CCDC9B: variants seen among roughly 807,000 people sequenced by gnomAD.
CCDC9B encodes the protein coiled-coil domain containing 9B, also known as coiled-coil domain-containing protein 9B.
Under a neutral mutation model 47.2 loss-of-function variants are expected in CCDC9B, and 40 were observed. The ratio of observed to expected loss-of-function variants is 0.85; its 90% CI spans 0.66 to 1.10. CCDC9B has a LOEUF of 1.10. Ranked by LOEUF, CCDC9B falls within the 50% of genes least tolerant of loss-of-function variation. The pLI is 0.00. For synonymous variants in CCDC9B, 238 were observed against 250.7 expected (o/e 0.95, Z 0.48); for missense variants, 662 against 651.0 (o/e 1.02, Z -0.18).
At chr15:40,337,597 C>A in intron 6 of CCDC9B, 127 bp downstream of exon 6, 1 of 1,245,830 alleles carries the variant, frequency 8.0e-7, no homozygotes, top group East Asian at 2.5e-5. Context: ...GCCTTGAACC[C>A]TGGGCTCGAC....
At chr15:40,336,215 C>T in intron 9 of CCDC9B, 1 of 985,436 alleles carries the variant, frequency 1.0e-6, no homozygotes, top group Non-Finnish European at 1.2e-6. Flanking sequence ...CAACTATTTC[C>T]TCTGAATACC....
rs1261633474 is a variant in CCDC9B at position 40,335,708 on chromosome 15, A to G, written c.931-8T>C. The G allele has an allele frequency of 3.8e-6, 6 of 1,570,782 alleles. No individual in the cohort carries two copies. Among genetic ancestry groups the G allele is most frequent in the East Asian group, 2.3e-5 (1 of 43,012 alleles). On this transcript the variant is annotated splice_polypyrimidine_tract_variant and splice_region_variant and intron_variant, in intron 10 of 10. Transcript: ENST00000397536. ...TCTGGTGCTTTGGCTTCCCTGAAAC[A>G]AGAGAATAGCCCCGGTGGCTGATGA...
rs1261573493 is a variant in CCDC9B, at chr15:40,335,715, T to C, written c.931-15A>G. 2 of 1,574,934 alleles carry C rather than the reference T, an allele frequency of 1.3e-6. No individual in the cohort carries two copies. The highest frequency in any genetic ancestry group is 1.7e-6 in the Non-Finnish European group (2 of 1,158,822). On this transcript the variant is annotated splice_polypyrimidine_tract_variant and intron_variant, in intron 10 of 10. Coordinates refer to ENST00000397536, the MANE Select transcript of CCDC9B (RefSeq NM_207380.3). ...CTTTGGCTTCCCTGAAACAAGAGAA[T>C]AGCCCCGGTGGCTGATGAATCCAGG...
rs1003423580 is a variant in CCDC9B at position 40,334,485 on chromosome 15, G to A, written c.*673C>T. On this transcript the variant is annotated 3_prime_UTR_variant, in exon 11 of 11. Coordinates refer to ENST00000397536, the MANE Select transcript of CCDC9B (RefSeq NM_207380.3). ...GGAGTAAGCTCTCCCATCCTGCTGT[G>A]GGAAGAGGAGGTTGTCGCTCCCCAT... 1 of 152,216 alleles carries A rather than the reference G, an allele frequency of 6.6e-6. No individual in the cohort carries two copies. Among genetic ancestry groups the A allele is most frequent in the African/African-American group, 2.4e-5 (1 of 41,436 alleles). 9.4% of individuals were successfully genotyped at this position (152,216 alleles called of 1,614,324 possible).
chr15:40,336,694 G>C (rs200478802), intron 8 of CCDC9B, 30 bp from the exon 9 acceptor site: 1 of 1,607,442 alleles, frequency 6.2e-7, no homozygotes, highest in East Asian at 2.2e-5. Context: ...AAGGAGAGAA[G>C]AGGCCCATAG....
chr15:40,340,361 G>A (rs1047618416), intron 1 of CCDC9B: 13 of 347,676 alleles, frequency 3.7e-5, no homozygotes, highest in Non-Finnish European at 5.8e-5. Flanking sequence ...GGAACCTGCC[G>A]TGACTGGGAA....
In CCDC9B at chr15:40,332,272, C is replaced by G. The variant is rs1481885993; in HGVS notation, c.*2886G>C. The G allele has an allele frequency of 1.3e-5, 2 of 152,208 alleles. No homozygotes were observed. The highest frequency in any genetic ancestry group is 2.9e-5 in the Non-Finnish European group (2 of 68,042). The allele number at this position is 152,208 out of a possible 1,614,324, so 9.4% of individuals were successfully genotyped here. ...CTCCATGGCTGCTTCCATCCTACAG[C>G]AGGAGGGGTGGCAACCATCCGGACT... On this transcript the variant is annotated 3_prime_UTR_variant, in exon 11 of 11. Transcript: ENST00000397536.
At chr15:40,340,221 A>T in intron 1 of CCDC9B, 1 of 585,476 alleles carries the variant, frequency 1.7e-6, no homozygotes. Context: ...CTGCCTCCTC[A>T]GGGGGCTCAG....
Position 40,339,966 on chromosome 15 carries a change from TCTGCGTCCTTCTC to T in CCDC9B, c.49_61del (p.Glu17SerfsTer6). The stretch of plus-strand genomic sequence containing the variant: ...CAGGGCAACTATCCTCCGATCCAGC[TCTGCGTCCTTCTC>T]CTGCCTGCTCATGGGGGACTCGGCT... On this transcript the variant is annotated frameshift_variant, in exon 2 of 11. Transcript: ENST00000397536. LOFTEE classifies it high-confidence loss of function. The T allele has an allele frequency of 6.2e-7, 1 of 1,613,896 alleles. No individual in the cohort carries two copies. Among genetic ancestry groups the T allele is most frequent in the Non-Finnish European group, 8.5e-7 (1 of 1,179,962 alleles).
chr15:40,339,862 G>A (rs372955464), intron 2 of CCDC9B, 43 bp downstream of exon 2: 70 of 1,502,240 alleles, frequency 4.7e-5, no homozygotes, highest in African/African-American at 1.5e-4. Flanking sequence ...CACAGGGAGC[G>A]GCAGCCAAGT....
At chr15:40,336,946 C>T (rs1283971882) in intron 7 of CCDC9B, 133 bp from the exon 8 acceptor site, 6 of 791,384 alleles carry the variant, frequency 7.6e-6, no homozygotes, top group East Asian at 2.6e-5. Context: ...AAAGCGCCCT[C>T]GCCTGGGGGT....
At position 40,339,589 on chromosome 15, in the gene CCDC9B, G is replaced by C. The variant is rs1291808539; in HGVS notation, c.154C>G (p.Gln52Glu). 6.2e-7 allele frequency: 1 copy of C among 1,613,604 alleles called. No homozygotes were observed. Among genetic ancestry groups the C allele is most frequent in the South Asian group, 1.1e-5 (1 of 91,070 alleles). The change falls in exon 3 of 11, where the codon CAG becomes GAG. Residue 52 changes from glutamine to glutamate, a missense_variant. Gln to Glu is a conservative substitution (Grantham distance 29). Transcript: ENST00000397536. ...EIQEDRRQAE[Q>E]GGMAVTTPAL... ...GGTGTGGTCACAGCCATCCCCCCCTGCTCTGCCTGCCGACGGTCCTCCTGG... is the reference window on the plus strand; with the variant it reads ...GGTGTGGTCACAGCCATCCCCCCCTCCTCTGCCTGCCGACGGTCCTCCTGG...
chr15:40,336,238 C>G (rs1486678826), intron 9 of CCDC9B: 1 of 985,324 alleles, frequency 1.0e-6, no homozygotes, highest in East Asian at 1.1e-4. Flanking sequence ...GCACTCTGGG[C>G]CCATCCTGGG....
chr15:40,334,869 A>T lies in CCDC9B; in HGVS notation c.*289T>A. The T allele has an allele frequency of 3.4e-6, 1 of 295,016 alleles. No individual in the cohort carries two copies. The highest frequency in any genetic ancestry group is 6.3e-6 in the Non-Finnish European group (1 of 159,032). 18.3% of individuals were successfully genotyped at this position (295,016 alleles called of 1,614,324 possible). A position where few individuals can be genotyped will look rare whatever the true frequency, so the allele number is the denominator to read the frequency against. ...GGAGAAGGCTTGTGGCCTGGGCAGC[A>T]GTAGGCCCAGGTCAGGGTGCACCAG... is the stretch of plus-strand genomic sequence containing the variant. On this transcript the variant is annotated 3_prime_UTR_variant, in exon 11 of 11. Coordinates refer to ENST00000397536, the MANE Select transcript of CCDC9B (RefSeq NM_207380.3).
intron 5 of CCDC9B, 123 bp downstream of exon 5, chr15:40,338,412 A>G (rs56232597): frequency 0.11 from 125,935 of 1,123,812 alleles, 8,252 homozygotes; most frequent in Non-Finnish European, 0.13. Context: ...GAGGAGCAGG[A>G]ACTCCTGCAT....
chr15:40,339,189 C>T (rs560513561), intron 3 of CCDC9B: 10 of 592,512 alleles, frequency 1.7e-5, no homozygotes, highest in African/African-American at 1.7e-4. Context: ...TCCTGGCATT[C>T]AGCCCCAACT....
chr15:40,340,419 G>T (rs1187034402), intron 1 of CCDC9B: 1 of 322,574 alleles, frequency 3.1e-6, no homozygotes, highest in Non-Finnish European at 5.7e-6. Flanking sequence ...TTGGCTCCCA[G>T]ATCCACAACC....
intron 5 of CCDC9B, 139 bp downstream of exon 5, chr15:40,338,396 A>C (rs1889013229): frequency 6.0e-6 from 6 of 997,744 alleles, no homozygotes; most frequent in Non-Finnish European, 9.0e-6. Context: ...GGCCAGAGAA[A>C]GGGAGGAGGA....
At chr15:40,339,441 C>T in intron 3 of CCDC9B, 71 bp downstream of exon 3, 28 of 1,514,498 alleles carry the variant, frequency 1.8e-5, no homozygotes, top group Non-Finnish European at 2.6e-5. Context: ...ACAGAGGCAG[C>T]TGTCTTTCCC....
Sources: gnomAD v4.1 joint callset for allele counts on GRCh38, gnomAD v4.1.1 for gene constraint, MANE v1.5 for transcripts, NCBI Gene and HGNC (gene_info 2026-07-23, HGNC 2026-07-21) for gene names.